PBX1: variants seen among roughly 807,000 people sequenced by gnomAD.
The protein encoded by PBX1 is pre-B-cell leukemia transcription factor 1.
PBX1 carries 6 observed loss-of-function variants against 53.4 expected under a neutral mutation model. That is an observed-to-expected ratio of 0.11 (90% CI 0.06 to 0.22). The LOEUF (loss-of-function observed/expected upper bound fraction) is 0.22, where lower values mean the gene tolerates loss of function less well. Among genes scored for constraint, PBX1 ranks in the 10% least tolerant of loss-of-function variants. The probability of loss-of-function intolerance (pLI) is 1.00; values close to 1 mark genes in which losing one functional copy is unlikely to be tolerated. For synonymous variants in PBX1, 204 were observed against 212.3 expected (o/e 0.96, Z 0.34); for missense variants, 251 against 551.4 (o/e 0.46, Z 5.46).
At chr1:164,706,575 A>T (rs1457901383) in intron 2 of PBX1, among the ~76,000 whole-genome samples, 10 of 152,234 alleles carry the variant, frequency 6.6e-5, no homozygotes, top group Admixed American at 6.5e-4. Flanking sequence ...GCCTGGATTC[A>T]TGCAGTCACA....
At chr1:164,734,601 T>C (rs185286712) in intron 2 of PBX1, among the ~76,000 whole-genome samples, 3 of 152,320 alleles carry the variant, frequency 2.0e-5, no homozygotes, top group African/African-American at 4.8e-5. Flanking sequence ...ACACATAGTA[T>C]AGGCCCTGAG....
intron 2 of PBX1, among the ~76,000 whole-genome samples, chr1:164,725,849 A>G (rs1233081903): frequency 6.6e-6 from 1 of 152,172 alleles, no homozygotes; most frequent in African/African-American, 2.4e-5. Flanking sequence ...TAAATAAGTG[A>G]CTTGCCCAAG....
Position 164,715,911 on chromosome 1 carries a change from A to G in PBX1, c.266-76583A>G, listed in dbSNP as rs1308896066. Among the ~76,000 whole-genome samples the G allele has an allele frequency of 3.9e-5, 6 of 152,320 alleles. No individual in the cohort carries two copies. In the East Asian group the frequency reaches 1.2e-3, roughly 29 times the overall value. On this transcript the variant is annotated intron_variant, in intron 2 of 8. Coordinates refer to ENST00000420696, the MANE Select transcript of PBX1 (RefSeq NM_002585.4). ...CCTCCTCTCATGCCTACACTATGAG[A>G]TGATGGCTTACAAAGGCCTATTGCC...
At chr1:164,699,568 G>A (rs564503536) in intron 2 of PBX1, among the ~76,000 whole-genome samples, 1 of 152,302 alleles carries the variant, frequency 6.6e-6, no homozygotes, top group African/African-American at 2.4e-5. Context: ...GGTAGAGCGA[G>A]TGCAGTGCAG....
chr1:164,786,681 C>CTGTGTGTGTGTG (rs74747780), intron 2 of PBX1, among the ~76,000 whole-genome samples: 7 of 140,610 alleles, frequency 5.0e-5, no homozygotes, highest in African/African-American at 1.6e-4. Context: ...TCAGAAGAGA[C>CTGTGTGTGTGTG]TGTGTGTGTG....
intron 2 of PBX1, among the ~76,000 whole-genome samples, chr1:164,772,209 A>G (rs772899181): frequency 6.6e-6 from 1 of 152,248 alleles, no homozygotes; most frequent in Non-Finnish European, 1.5e-5. Context: ...TGCATAACAT[A>G]TAGCAGATTT....
chr1:164,611,391 C>A (rs1656915399), intron 2 of PBX1, among the ~76,000 whole-genome samples: 1 of 152,160 alleles, frequency 6.6e-6, no homozygotes, highest in East Asian at 1.9e-4. Flanking sequence ...GCGCCCGCCA[C>A]CACGCCCGGC....
intron 2 of PBX1, among the ~76,000 whole-genome samples, chr1:164,631,702 GAT>G (rs1406815239): frequency 1.3e-5 from 2 of 152,168 alleles, no homozygotes; most frequent in African/African-American, 4.8e-5. Context: ...GATGCATCCA[GAT>G]ACACTTTAAA....
chr1:164,627,787 T>C (rs1453364817), intron 2 of PBX1, among the ~76,000 whole-genome samples: 1 of 152,148 alleles, frequency 6.6e-6, no homozygotes, highest in Non-Finnish European at 1.5e-5. Context: ...TACCAATACA[T>C]TGCATCTCTT....
intron 2 of PBX1, among the ~76,000 whole-genome samples, chr1:164,584,917 A>AT (rs1399829014): frequency 2.0e-5 from 3 of 152,088 alleles, no homozygotes; most frequent in South Asian, 4.2e-4. Flanking sequence ...AGCTAAACTA[A>AT]TTTTCTGTCT....
intron 8 of PBX1, among the ~76,000 whole-genome samples, chr1:164,830,465 A>G (rs925442333): frequency 6.6e-6 from 1 of 152,200 alleles, no homozygotes; most frequent in Non-Finnish European, 1.5e-5. Context: ...TTAACTATAT[A>G]CAAGAAGTGA....
At chr1:164,812,963 A>G (rs1669692927) in intron 6 of PBX1, 4 of 152,166 alleles carry the variant, frequency 2.6e-5, no homozygotes, top group Non-Finnish European at 5.9e-5. Flanking sequence ...TTTTCTCATT[A>G]AATAAGTTTG....
At chr1:164,820,770 A>G (rs16835201) in intron 7 of PBX1, among the ~76,000 whole-genome samples, 2,712 of 152,328 alleles carry the variant, frequency 0.018, 36 homozygotes, top group East Asian at 0.049. Flanking sequence ...TTAGTGTTCC[A>G]TAGTAAGCAG....
At chr1:164,871,823 C>T (rs1672389912) in intron 2 of PBX1, among the ~76,000 whole-genome samples, 2 of 151,782 alleles carry the variant, frequency 1.3e-5, no homozygotes, top group African/African-American at 4.8e-5. Context: ...GGACCGCTCT[C>T]CTTCTTGCTG....
At chr1:164,603,906 C>T (rs979234941) in intron 2 of PBX1, among the ~76,000 whole-genome samples, 1 of 137,354 alleles carries the variant, frequency 7.3e-6, no homozygotes, top group Non-Finnish European at 1.5e-5. Context: ...TAATGCAAGA[C>T]ACTCTGTACA....
chr1:164,774,164 TAAA>T (rs1009961048), intron 2 of PBX1, among the ~76,000 whole-genome samples: 1 of 151,068 alleles, frequency 6.6e-6, no homozygotes, highest in African/African-American at 2.4e-5. Flanking sequence ...AATGACAGAA[TAAA>T]AAAAAAATAA....
chr1:164,581,684 G>A (rs554758279), intron 2 of PBX1, among the ~76,000 whole-genome samples: 2 of 152,046 alleles, frequency 1.3e-5, no homozygotes, highest in Admixed American at 1.3e-4. Context: ...AAAGTTCAAG[G>A]CATTTCATGT....
intron 2 of PBX1, among the ~76,000 whole-genome samples, chr1:164,759,432 A>C (rs1372295835): frequency 1.3e-5 from 2 of 151,682 alleles, no homozygotes; most frequent in Non-Finnish European, 2.9e-5. Context: ...GGAAGCCAAG[A>C]CTCCTTGCAC....
chr1:164,698,633 A>G (rs1272183766), intron 2 of PBX1, among the ~76,000 whole-genome samples: 3 of 152,146 alleles, frequency 2.0e-5, no homozygotes, highest in Admixed American at 1.3e-4. Flanking sequence ...CTAAGGGCCC[A>G]TGTACTTAAG....
Sources: allele counts gnomAD v4.1 joint callset (sites outside exome capture counted in the v4.1 genomes callset), GRCh38; gene constraint gnomAD v4.1.1; transcripts MANE v1.5; gene names NCBI Gene and HGNC (gene_info 2026-07-23, HGNC 2026-07-21).